MREG: variants seen among roughly 807,000 people sequenced by gnomAD.
MREG encodes the protein melanoregulin, also known as dilute suppressor protein homolog.
Under a neutral mutation model 28.5 loss-of-function variants are expected in MREG, and 31 were observed. The observed-to-expected ratio is 1.09, with a 90% confidence interval of 0.82 to 1.47. MREG has a LOEUF of 1.47. Ranked by LOEUF, MREG falls within the 40% of genes most tolerant of loss-of-function variation. The pLI is 0.00. For synonymous variants in MREG, 106 were observed against 95.2 expected (o/e 1.11, Z -0.66); for missense variants, 256 against 257.4 (o/e 0.99, Z 0.04).
intron 2 of MREG, among the ~76,000 whole-genome samples, chr2:215,972,947 C>G (rs1216930373): frequency 1.3e-5 from 2 of 152,090 alleles, no homozygotes; most frequent in Non-Finnish European, 2.9e-5. Context: ...TAACAATTCC[C>G]AGGTGAGCTA....
At chr2:215,955,891 G>A (rs902557731) in intron 2 of MREG, among the ~76,000 whole-genome samples, 2 of 152,122 alleles carry the variant, frequency 1.3e-5, no homozygotes, top group Admixed American at 6.6e-5. Context: ...TAGTTCTGCC[G>A]CTACTGAAGA....
chr2:216,032,385 T>C (rs538358645), intron 1 of MREG, among the ~76,000 whole-genome samples: 1 of 152,356 alleles, frequency 6.6e-6, no homozygotes, highest in East Asian at 1.9e-4. Context: ...TCAAAGCATA[T>C]GAACTCAGGT....
In MREG at chr2:215,996,339, T is replaced by C; in HGVS notation, c.222A>G (p.Ile74Met). ...CTTTGGCCTGCTGATTACGAATGAC[T>C]ATCAAATTGTACAGGGTTCTGTCGT... ...ADDDRTLYNLIVIRNQQAKDS... is the reference protein window; with the variant it reads ...ADDDRTLYNLMVIRNQQAKDS... The change falls in exon 2 of 5, where the codon ATA (isoleucine) becomes ATG (methionine). Residue 74 changes from isoleucine (I) to methionine (M), a missense_variant. Transcript: ENST00000263268. 1 of 1,613,942 alleles carries C rather than the reference T, an allele frequency of 6.2e-7. No homozygotes were observed.
At chr2:216,021,770 C>T (rs184875849) in intron 1 of MREG, among the ~76,000 whole-genome samples, 15 of 152,298 alleles carry the variant, frequency 9.8e-5, no homozygotes, top group African/African-American at 1.4e-4. Flanking sequence ...GGAAGCACTG[C>T]GTAAACGTTA....
At chr2:215,994,875 G>A (rs995754386) in intron 2 of MREG, among the ~76,000 whole-genome samples, 3 of 152,018 alleles carry the variant, frequency 2.0e-5, no homozygotes, top group Non-Finnish European at 4.4e-5. Context: ...ATGGGGCCCT[G>A]GTGAGAGAGA....
In MREG at chr2:215,997,727, G is replaced by A. The variant is rs1021506735; in HGVS notation, c.96-1262C>T. ...AAATCCTTATGAAGGCAGGCGTCAG[G>A]TAGGTGTCATGAAGAAGAGGTGCTG... On this transcript the variant is annotated intron_variant, in intron 1 of 4. Coordinates refer to ENST00000263268, the MANE Select transcript of MREG (RefSeq NM_018000.3). Among the ~76,000 whole-genome samples, 29 of 152,190 alleles carry A rather than the reference G, an allele frequency of 1.9e-4. No homozygotes were observed. The East Asian group carries it at 5.0e-3, about 26-fold the overall frequency.
chr2:215,941,791 G>A (rs1692200418), downstream of MREG: 1 of 152,182 alleles, frequency 6.6e-6, no homozygotes, highest in African/African-American at 2.4e-5. Flanking sequence ...TCCTAAAGAT[G>A]GCATGTTCCA....
upstream of MREG, among the ~76,000 whole-genome samples, chr2:216,015,128 T>TGCATGTGCGCGCATGTGC (rs1694417568): frequency 6.6e-6 from 1 of 151,918 alleles, no homozygotes; most frequent in Non-Finnish European, 1.5e-5. Context: ...CGCGTGTGTG[T>TGCATGTGCGCGCATGTGC]GCGCGCGTGC....
chr2:215,981,954 T>C (rs1341528336), intron 2 of MREG, among the ~76,000 whole-genome samples: 1 of 152,222 alleles, frequency 6.6e-6, no homozygotes, highest in Non-Finnish European at 1.5e-5. Context: ...CTCGCTGGCC[T>C]ACATCAGGTT....
upstream of MREG, among the ~76,000 whole-genome samples, chr2:216,033,473 C>A (rs1446543697): frequency 6.6e-6 from 1 of 151,996 alleles, no homozygotes; most frequent in African/African-American, 2.4e-5. Context: ...AAGAGAGAAT[C>A]CAACAAGAGC....
chr2:215,950,128 C>G (rs1692447040), intron 2 of MREG, among the ~76,000 whole-genome samples: 1 of 152,216 alleles, frequency 6.6e-6, no homozygotes, highest in Non-Finnish European at 1.5e-5. Context: ...TATGTTCACA[C>G]AACTTTAACT....
At chr2:215,971,462 C>G (rs1443276698) in intron 2 of MREG, among the ~76,000 whole-genome samples, 1 of 152,120 alleles carries the variant, frequency 6.6e-6, no homozygotes, top group Non-Finnish European at 1.5e-5. Flanking sequence ...CACTTCAAAA[C>G]AGGTAAGCGG....
At chr2:216,031,673 AAG>A (rs72139324) in intron 1 of MREG, among the ~76,000 whole-genome samples, 40,557 of 121,224 alleles carry the variant, frequency 0.33, 6,248 homozygotes, top group Admixed American at 0.44. Context: ...GAAAGAAAGA[AAG>A]AAAGAAAGAA....
chr2:215,950,793 T>A (rs539935406), intron 2 of MREG, among the ~76,000 whole-genome samples: 1 of 152,228 alleles, frequency 6.6e-6, no homozygotes, highest in East Asian at 1.9e-4. Flanking sequence ...AAGAATTGGA[T>A]CTTGATATGG....
intron 2 of MREG, among the ~76,000 whole-genome samples, chr2:215,966,572 T>G (rs569798044): frequency 3.0e-4 from 46 of 152,098 alleles, no homozygotes; most frequent in Non-Finnish European, 6.0e-4. Flanking sequence ...GAATTATTAC[T>G]TAAGTTCAAG....
intron 2 of MREG, among the ~76,000 whole-genome samples, chr2:215,948,221 C>T (rs1461493253): frequency 1.3e-5 from 2 of 152,174 alleles, no homozygotes; most frequent in Admixed American, 1.3e-4. Flanking sequence ...AGCTGCCATT[C>T]GCAAATGTTT....
intron 2 of MREG, among the ~76,000 whole-genome samples, chr2:215,963,031 G>A (rs1041474377): frequency 8.5e-5 from 13 of 152,184 alleles, no homozygotes; most frequent in African/African-American, 2.7e-4. Context: ...AGGTGGCTGA[G>A]GTAGGAGGAT....
At chr2:215,948,380 A>C (rs7608560) in intron 2 of MREG, among the ~76,000 whole-genome samples, 75,229 of 151,996 alleles carry the variant, frequency 0.49, 19,779 homozygotes, top group Non-Finnish European at 0.59. Context: ...AGTTTGAACA[A>C]TTTCTCCTGG....
chr2:216,007,112 G>T (rs1694174434), intron 1 of MREG, among the ~76,000 whole-genome samples: 1 of 152,176 alleles, frequency 6.6e-6, no homozygotes, highest in South Asian at 2.1e-4. Context: ...AGTTCTCTGT[G>T]TCTCAGTCTC....
Sources: allele counts gnomAD v4.1 joint callset (sites outside exome capture counted in the v4.1 genomes callset), GRCh38; gene constraint gnomAD v4.1.1; transcripts MANE v1.5; gene names NCBI Gene and HGNC (gene_info 2026-07-23, HGNC 2026-07-21).